Variants in SYNDIG1 observed in about 807,000 individuals in gnomAD.
The protein encoded by SYNDIG1 is synapse differentiation inducing 1.
SYNDIG1 carries 9 observed loss-of-function variants against 19.4 expected under a neutral mutation model. The ratio of observed to expected loss-of-function variants is 0.46; its 90% CI spans 0.28 to 0.81. SYNDIG1 has a LOEUF of 0.81. Ranked by LOEUF, SYNDIG1 falls within the 30% of genes least tolerant of loss-of-function variation. The pLI is 0.12. For synonymous variants in SYNDIG1, 141 were observed against 145.9 expected, an observed-to-expected ratio of 0.97 and a Z score of 0.24; for missense variants, 311 against 343.3, an observed-to-expected ratio of 0.91 and a Z score of 0.74.
rs113080648 is a variant in SYNDIG1, at chr20:24,663,900, G to T, written c.619-1446G>T. ...AAGGCAATTACAGGAAATTGTGTTC[G>T]AAGATGTGGGCGTGTGTGGGAGCAC... On this transcript the variant is annotated intron_variant, in intron 3 of 3. Transcript: ENST00000376862. Among the ~76,000 whole-genome samples, 5 of 152,254 alleles carry T rather than the reference G, an allele frequency of 3.3e-5. 1 individual carries two copies. The highest frequency in any genetic ancestry group is 9.6e-5 in the African/African-American group (4 of 41,560).
At chr20:24,523,019 T>C (rs1454109618) in intron 1 of SYNDIG1, among the ~76,000 whole-genome samples, 1 of 152,188 alleles carries the variant, frequency 6.6e-6, no homozygotes, top group African/African-American at 2.4e-5. Context: ...GTGATCACAT[T>C]TCAATATGAG....
At chr20:24,496,478 A>G (rs2056308565) in intron 1 of SYNDIG1, among the ~76,000 whole-genome samples, 1 of 152,008 alleles carries the variant, frequency 6.6e-6, no homozygotes. Flanking sequence ...ATCCTTTTTG[A>G]TTCTAAAAGC....
intron 3 of SYNDIG1, among the ~76,000 whole-genome samples, chr20:24,659,680 G>A (rs2059564604): frequency 6.6e-6 from 1 of 152,178 alleles, no homozygotes. Context: ...GGGAGAGGTG[G>A]GGAGAGGCCT....
At chr20:24,610,443 T>G (rs2058828472) in intron 3 of SYNDIG1, among the ~76,000 whole-genome samples, 1 of 152,216 alleles carries the variant, frequency 6.6e-6, no homozygotes, top group African/African-American at 2.4e-5. Flanking sequence ...TGCATGTAGC[T>G]CTGCACACGG....
chr20:24,551,400 A>G (rs755172433), intron 2 of SYNDIG1, among the ~76,000 whole-genome samples: 1 of 152,170 alleles, frequency 6.6e-6, no homozygotes, highest in African/African-American at 2.4e-5. Flanking sequence ...TCTAGATAGA[A>G]ATTGATCATT....
At chr20:24,632,063 G>A (rs2059251935) in intron 3 of SYNDIG1, among the ~76,000 whole-genome samples, 2 of 152,242 alleles carry the variant, frequency 1.3e-5, no homozygotes. Flanking sequence ...ACTTCAGAGG[G>A]TGGCACAGAC....
intron 1 of SYNDIG1, among the ~76,000 whole-genome samples, chr20:24,479,289 G>A (rs1038743845): frequency 3.3e-5 from 5 of 152,132 alleles, no homozygotes; most frequent in East Asian, 1.9e-4. Context: ...TTCTCCCCGA[G>A]CCCTCACCCT....
intron 3 of SYNDIG1, among the ~76,000 whole-genome samples, chr20:24,602,060 T>C (rs144062752): frequency 9.5e-4 from 145 of 152,262 alleles, no homozygotes; most frequent in Admixed American, 1.8e-3. Context: ...ACCCTTCTTG[T>C]ATGTTTCAAT....
In SYNDIG1 at chr20:24,584,867, A is replaced by C; in HGVS notation, c.492A>C (p.Ser164=). The C allele has an allele frequency of 6.2e-7, 1 of 1,614,008 alleles. No individual in the cohort carries two copies. The highest frequency in any genetic ancestry group is 8.5e-7 in the Non-Finnish European group (1 of 1,179,996). ...EEFQELESDY[S]SDTESEDNFL... ...GTTCTCTCTTGCAGAGCGACTACTC[A>C]AGCGACACAGAGAGTGAGGACAATT... Residue 164 remains serine, a synonymous_variant, in exon 3 of 4, where the codon TCA becomes TCC. Transcript: ENST00000376862.
At chr20:24,585,470 A>G (rs2058402277) in intron 3 of SYNDIG1, among the ~76,000 whole-genome samples, 1 of 152,150 alleles carries the variant, frequency 6.6e-6, no homozygotes, top group Non-Finnish European at 1.5e-5. Context: ...AGCAGCCCCC[A>G]TGTACCTGCC....
At position 24,665,912 on chromosome 20, in the gene SYNDIG1, A is replaced by C; in HGVS notation, c.*408A>C. The C allele has an allele frequency of 1.1e-5, 2 of 183,908 alleles. No homozygotes were observed. The highest frequency in any genetic ancestry group is 1.1e-4 in the South Asian group (1 of 9,006). The allele number at this position is 183,908 out of a possible 1,614,324, so 11.4% of individuals were successfully genotyped here. On this transcript the variant is annotated 3_prime_UTR_variant, in exon 4 of 4. Transcript: ENST00000376862. Reference sequence around the variant, plus strand: ...ATAGGCAGAGGACAAGGGACACATCACTCTTCTGTCTGTGGCCCTGCTGGA... The same window carrying C: ...ATAGGCAGAGGACAAGGGACACATCCCTCTTCTGTCTGTGGCCCTGCTGGA...
intron 2 of SYNDIG1, among the ~76,000 whole-genome samples, chr20:24,558,942 CA>C (rs1600624200): frequency 6.6e-6 from 1 of 152,118 alleles, no homozygotes; most frequent in African/African-American, 2.4e-5. Flanking sequence ...CAAGGAAAAA[CA>C]GTTTGGAGGT....
At chr20:24,556,074 T>C (rs1311914270) in intron 2 of SYNDIG1, among the ~76,000 whole-genome samples, 2 of 152,172 alleles carry the variant, frequency 1.3e-5, no homozygotes, top group African/African-American at 4.8e-5. Context: ...CTTCTTTGTC[T>C]CTTTTGATCT....
At chr20:24,535,314 C>T (rs2057339621) in intron 1 of SYNDIG1, among the ~76,000 whole-genome samples, 1 of 152,198 alleles carries the variant, frequency 6.6e-6, no homozygotes, top group African/African-American at 2.4e-5. Context: ...AGATCCAAAC[C>T]TCATCACTAA....
At position 24,547,293 on chromosome 20, in the gene SYNDIG1, C is replaced by T. The variant is rs191840602; in HGVS notation, c.480+3716C>T. ...ATTTATGAAGGAGCCTCTCCAGGTCCGAAGAGGTCGGCCTGTCTGACATAT... is the reference window on the plus strand; with the variant it reads ...ATTTATGAAGGAGCCTCTCCAGGTCTGAAGAGGTCGGCCTGTCTGACATAT... On this transcript the variant is annotated intron_variant, in intron 2 of 3. Transcript: ENST00000376862. Among the ~76,000 whole-genome samples the T allele has an allele frequency of 1.1e-3, 166 of 152,340 alleles. 1 individual carries two copies. The highest frequency in any genetic ancestry group is 8.6e-3 in the Admixed American group (132 of 15,306).
intron 3 of SYNDIG1, among the ~76,000 whole-genome samples, chr20:24,659,205 A>ATTC (rs147865827): frequency 0.044 from 6,753 of 152,254 alleles, 250 homozygotes; most frequent in South Asian, 0.12. Flanking sequence ...GACATAACTC[A>ATTC]TTCCTTTCTG....
intron 3 of SYNDIG1, among the ~76,000 whole-genome samples, chr20:24,644,089 G>A (rs560715205): frequency 3.1e-4 from 47 of 152,312 alleles, no homozygotes; most frequent in Admixed American, 7.8e-4. Flanking sequence ...TTTATTCCCA[G>A]GGAACTTGGG....
intron 3 of SYNDIG1, among the ~76,000 whole-genome samples, chr20:24,621,049 G>A (rs1221197674): frequency 2.0e-5 from 3 of 152,108 alleles, no homozygotes; most frequent in African/African-American, 4.8e-5. Flanking sequence ...AATCTTCAGT[G>A]GGCAAAGTAA....
chr20:24,479,549 C>G (rs1245081991), intron 1 of SYNDIG1, among the ~76,000 whole-genome samples: 1 of 152,136 alleles, frequency 6.6e-6, no homozygotes. Context: ...TAATGATACT[C>G]AGTAACCCAG....
Sources: allele counts gnomAD v4.1 joint callset (sites outside exome capture counted in the v4.1 genomes callset), GRCh38; gene constraint gnomAD v4.1.1; transcripts MANE v1.5; gene names NCBI Gene and HGNC (gene_info 2026-07-23, HGNC 2026-07-21).